STX16: variants seen among roughly 807,000 people sequenced by gnomAD.
STX16 encodes the protein syntaxin-16.
A neutral mutation model predicts 42.7 loss-of-function variants in STX16; 28 were observed. The observed-to-expected ratio is 0.66, with a 90% CI of 0.49 to 0.90. The LOEUF (loss-of-function observed/expected upper bound fraction) is 0.90, where lower values mean the gene tolerates loss of function less well. Among genes scored for constraint, STX16 ranks in the 40% least tolerant of loss-of-function variants. The pLI is 0.00. For missense variants in STX16, 361 were observed against 420.9 expected, an observed-to-expected ratio of 0.86 and a Z score of 1.24; for synonymous variants, 156 against 155.2, an observed-to-expected ratio of 1.00 and a Z score of -0.04.
intron 8 of STX16, among the ~76,000 whole-genome samples, chr20:58,675,059 C>T (rs1365085793): frequency 6.6e-6 from 1 of 152,126 alleles, no homozygotes; most frequent in South Asian, 2.1e-4. Flanking sequence ...TCAGCGTGCT[C>T]CATCTTCCCT....
chr20:58,665,573 C>T (rs550630475), intron 2 of STX16, among the ~76,000 whole-genome samples: 2 of 152,042 alleles, frequency 1.3e-5, no homozygotes, highest in Admixed American at 6.6e-5. Flanking sequence ...TCTAACTCAC[C>T]TAGTTTTTAT....
intron 1 of STX16, among the ~76,000 whole-genome samples, chr20:58,653,309 G>A (rs2083515248): frequency 6.6e-6 from 1 of 152,244 alleles, no homozygotes; most frequent in East Asian, 1.9e-4. Flanking sequence ...TTTGCCATAT[G>A]TCATGATTAT....
chr20:58,676,199 CAAAAG>C lies in STX16; in HGVS notation c.889_893del (p.Lys297GlufsTer45), dbSNP rs1188964267. ...CCTCTTTTTGTAGGCAGAACAGTATCAAAAGAAGAATCGGAAGATGCTTGTGATTT... is the reference window on the plus strand; with the variant it reads ...CCTCTTTTTGTAGGCAGAACAGTATCAAGAATCGGAAGATGCTTGTGATTT... On this transcript the variant is annotated frameshift_variant, in exon 9 of 9. Transcript: ENST00000371141. LOFTEE classifies it high-confidence loss of function. The C allele has an allele frequency of 6.2e-7, 1 of 1,613,808 alleles. No homozygotes were observed. Among genetic ancestry groups the C allele is most frequent in the Non-Finnish European group, 8.5e-7 (1 of 1,179,830 alleles).
At chr20:58,652,513 C>T (rs960318899) in intron 1 of STX16, among the ~76,000 whole-genome samples, 1 of 152,122 alleles carries the variant, frequency 6.6e-6, no homozygotes, top group African/African-American at 2.4e-5. Flanking sequence ...CCCCTCCCCC[C>T]AGTAATGAGC....
intron 1 of STX16, chr20:58,652,382 C>G (rs2044346002): frequency 1.2e-5 from 7 of 579,840 alleles, no homozygotes; most frequent in Non-Finnish European, 1.9e-5. Context: ...CCCCCCCCCC[C>G]GCACCCCCCG....
intron 8 of STX16, among the ~76,000 whole-genome samples, chr20:58,675,225 G>A (rs1215356000): frequency 1.3e-5 from 2 of 152,150 alleles, no homozygotes; most frequent in African/African-American, 2.4e-5. Context: ...CCAGGTGGGC[G>A]GGCAGGCTCA....
chr20:58,660,679 A>T (rs1210230223), intron 2 of STX16, among the ~76,000 whole-genome samples: 4 of 141,892 alleles, frequency 2.8e-5, no homozygotes, highest in African/African-American at 1.0e-4. Flanking sequence ...AAAGACCCAG[A>T]TGCAGAGCAG....
rs760264867 is a variant in STX16, at chr20:58,663,640, A to AT, written c.145-3837dup. 1.3e-3 allele frequency among the ~76,000 whole-genome samples: 184 copies of AT among 146,810 alleles called. 1 individual carries two copies. Among genetic ancestry groups the AT allele is most frequent in the East Asian group, 3.8e-3 (19 of 5,040 alleles). ...TACAATTTTTATTTAAAAAATATGG[A>AT]TTTTTTTTTTTTTACTTCAGAAGCA... is the stretch of plus-strand genomic sequence containing the variant. On this transcript the variant is annotated intron_variant, in intron 2 of 8. Transcript: ENST00000371141.
At chr20:58,670,480 A>G (rs369167799) in intron 5 of STX16, 32 bp from the exon 6 acceptor site, 15 of 1,548,542 alleles carry the variant, frequency 9.7e-6, no homozygotes, top group Non-Finnish European at 1.3e-5. Context: ...TGGTTTACAT[A>G]TTCAAGTAAA....
rs532932215 is a variant in STX16 at position 58,665,010 on chromosome 20, AAT to A, written c.145-2478_145-2477del. Among the ~76,000 whole-genome samples the A allele has an allele frequency of 2.8e-3, 421 of 152,354 alleles. 1 individual carries two copies. Among genetic ancestry groups the A allele is most frequent in the South Asian group, 6.0e-3 (29 of 4,826 alleles). On this transcript the variant is annotated intron_variant, in intron 2 of 8. Transcript: ENST00000371141. ...AGTTCAAGTTCTGTTCCAGTCCAGC[AAT>A]ACTGTAGACAGCACCTGATGTATGG... is the stretch of plus-strand genomic sequence containing the variant.
intron 2 of STX16, among the ~76,000 whole-genome samples, chr20:58,666,945 C>A (rs964263229): frequency 6.6e-6 from 1 of 152,234 alleles, no homozygotes; most frequent in African/African-American, 2.4e-5. Context: ...TTGTTTCACA[C>A]ATCTTAACAC....
chr20:58,664,995 C>G (rs1601020028), intron 2 of STX16, among the ~76,000 whole-genome samples: 1 of 152,210 alleles, frequency 6.6e-6, no homozygotes, highest in South Asian at 2.1e-4. Context: ...AGTTCAAGTT[C>G]TGTTCCAGTC....
At chr20:58,658,973 A>G (rs887121906) in intron 1 of STX16, among the ~76,000 whole-genome samples, 1 of 152,066 alleles carries the variant, frequency 6.6e-6, no homozygotes, top group Non-Finnish European at 1.5e-5. Flanking sequence ...TTTTTCTTTT[A>G]TTTTGCCACC....
In STX16 at chr20:58,652,374, C is replaced by CA. The variant is rs1007878737; in HGVS notation, c.132+236_132+237insA. The CA allele has an allele frequency of 1.1e-4, 66 of 593,590 alleles. 1 individual carries two copies. The highest frequency in any genetic ancestry group is 3.2e-4 in the Admixed American group (14 of 44,294). 36.8% of individuals were successfully genotyped at this position (593,590 alleles called of 1,614,324 possible). On this transcript the variant is annotated intron_variant, in intron 1 of 8. Transcript: ENST00000371141. Reference sequence around the variant, plus strand: ...GTCTTCTCCTCACTTCCGCAGCACCCCCCCCCCCGCACCCCCCGCCTTGGC... The same window carrying CA: ...GTCTTCTCCTCACTTCCGCAGCACCCACCCCCCCCGCACCCCCCGCCTTGGC...
At chr20:58,655,936 C>T (rs564026302) in intron 1 of STX16, among the ~76,000 whole-genome samples, 1 of 152,332 alleles carries the variant, frequency 6.6e-6, no homozygotes, top group Non-Finnish European at 1.5e-5. Flanking sequence ...ACTTTATGCA[C>T]TCCTAACAAA....
At chr20:58,659,698 T>G in intron 2 of STX16, 64 bp downstream of exon 2, 1 of 1,557,790 alleles carries the variant, frequency 6.4e-7, no homozygotes, top group Non-Finnish European at 8.8e-7. Flanking sequence ...CTACTTTTCC[T>G]GAAGTCTTTG....
chr20:58,678,560 A>G lies in STX16; in HGVS notation c.*2269A>G, dbSNP rs2084192754. The G allele has an allele frequency of 6.6e-6, 1 of 151,168 alleles. No individual in the cohort carries two copies. The highest frequency in any genetic ancestry group is 2.1e-4 in the South Asian group (1 of 4,772). 9.4% of individuals were successfully genotyped at this position (151,168 alleles called of 1,614,324 possible). ...GAGGCTGAGGCAGGAGAATAGCTTG[A>G]ACCCGGGAGGCAGAGGTTGCAGTGA... On this transcript the variant is annotated 3_prime_UTR_variant, in exon 9 of 9. Coordinates refer to ENST00000371141, the MANE Select transcript of STX16 (RefSeq NM_001001433.3).
chr20:58,670,497 T>C lies in STX16; in HGVS notation c.557-15T>C, dbSNP rs886957443. The C allele has an allele frequency of 8.8e-6, 14 of 1,591,790 alleles. No homozygotes were observed. Among genetic ancestry groups the C allele is most frequent in the Admixed American group, 1.7e-5 (1 of 59,976 alleles). On this transcript the variant is annotated splice_polypyrimidine_tract_variant and intron_variant, in intron 5 of 8. Transcript: ENST00000371141. ...GTTTACATATTCAAGTAAAATGAAT[T>C]CCTATCTGTGATAGGCATGAAGAAT...
In STX16 at chr20:58,651,390, G is replaced by C. The variant is rs1191025495; in HGVS notation, c.-617G>C. 6.5e-6 allele frequency: 1 copy of C among 153,122 alleles called. No homozygotes were observed. Among genetic ancestry groups the C allele is most frequent in the East Asian group, 1.9e-4 (1 of 5,206 alleles). The allele number at this position is 153,122 out of a possible 1,614,324, so 9.5% of individuals were successfully genotyped here. A position where few individuals can be genotyped will look rare whatever the true frequency, so the allele number is the denominator to read the frequency against. ...CCTGCTGGCAGTGGAGGACCAGGCCGTCCAGGAAAGGAAGGGGTCAGGAGG... is the reference window on the plus strand; with the variant it reads ...CCTGCTGGCAGTGGAGGACCAGGCCCTCCAGGAAAGGAAGGGGTCAGGAGG... On this transcript the variant is annotated 5_prime_UTR_variant, in exon 1 of 9. Coordinates refer to ENST00000371141, the MANE Select transcript of STX16 (RefSeq NM_001001433.3).
Sources: gnomAD v4.1 joint callset for allele counts (sites outside exome capture counted in the v4.1 genomes callset) on GRCh38, gnomAD v4.1.1 for gene constraint, MANE v1.5 for transcripts, NCBI Gene and HGNC (gene_info 2026-07-23, HGNC 2026-07-21) for gene names.